Variants in CPEB3 observed in about 807,000 individuals in gnomAD.
The protein encoded by CPEB3 is cytoplasmic polyadenylation element-binding protein 3.
In CPEB3, 20 loss-of-function variants were observed where a neutral mutation model predicts 67.2. The ratio of observed to expected loss-of-function variants is 0.30; its 90% confidence interval spans 0.21 to 0.43. The LOEUF is 0.43. CPEB3 is among the 20% of genes least tolerant of loss of function. CPEB3 has a pLI of 1.00. For missense variants in CPEB3, 746 were observed against 968.6 expected, an observed-to-expected ratio of 0.77 and a Z score of 3.05; for synonymous variants, 376 against 393.1, an observed-to-expected ratio of 0.96 and a Z score of 0.51.
At chr10:92,078,521 GT>G (rs1843019797) in intron 9 of CPEB3, among the ~76,000 whole-genome samples, 1 of 152,042 alleles carries the variant, frequency 6.6e-6, no homozygotes, top group African/African-American at 2.4e-5. Flanking sequence ...AGCAGCAAAG[GT>G]TTAAATGTAT....
At chr10:92,137,431 G>C in intron 6 of CPEB3, 1 of 1,173,994 alleles carries the variant, frequency 8.5e-7, no homozygotes, top group Non-Finnish European at 1.2e-6. Flanking sequence ...TGGATTCAAG[G>C]ACTCAATCTA....
chr10:92,213,654 T>C lies in CPEB3; in HGVS notation c.1006-21018A>G, dbSNP rs182136973. ...TGTAGAACCTTACTATTTTTATGAT[T>C]TGACACTTAACTCCTGACTGGGTCT... On this transcript the variant is annotated intron_variant, in intron 2 of 9. Coordinates refer to ENST00000265997, the MANE Select transcript of CPEB3 (RefSeq NM_014912.5). 3.5e-4 allele frequency among the ~76,000 whole-genome samples: 54 copies of C among 152,288 alleles called. No individual in the cohort carries two copies. In the East Asian group the frequency reaches 5.8e-3, roughly 16 times the overall value.
intron 6 of CPEB3, among the ~76,000 whole-genome samples, chr10:92,118,123 AGTTTTGTTTT>A (rs546053410): frequency 2.6e-5 from 4 of 152,190 alleles, no homozygotes; most frequent in Middle Eastern, 3.4e-3. Flanking sequence ...ACCATTTGAC[AGTTTTGTTTT>A]GTTTTGTTTT....
chr10:92,112,660 C>G (rs1844811212), intron 6 of CPEB3, among the ~76,000 whole-genome samples: 1 of 152,158 alleles, frequency 6.6e-6, no homozygotes, highest in African/African-American at 2.4e-5. Flanking sequence ...CACTGGCATT[C>G]ATAAATGATG....
At chr10:92,288,357 G>A (rs1287873268) in intron 1 of CPEB3, among the ~76,000 whole-genome samples, 1 of 151,914 alleles carries the variant, frequency 6.6e-6, no homozygotes, top group African/African-American at 2.4e-5. Context: ...CTACTTGGGG[G>A]GCTGAGGCAG....
At chr10:92,183,787 A>G (rs1266254260) in intron 3 of CPEB3, among the ~76,000 whole-genome samples, 2 of 152,244 alleles carry the variant, frequency 1.3e-5, no homozygotes, top group African/African-American at 4.8e-5. Context: ...TATTCCCTAA[A>G]TATTTCTAGA....
intron 9 of CPEB3, among the ~76,000 whole-genome samples, chr10:92,077,238 A>G (rs1000801269): frequency 6.6e-6 from 1 of 152,218 alleles, no homozygotes; most frequent in Non-Finnish European, 1.5e-5. Flanking sequence ...ATGAATAAAA[A>G]TAAAACCATG....
intron 2 of CPEB3, among the ~76,000 whole-genome samples, chr10:92,202,225 A>G (rs1230240137): frequency 1.3e-5 from 2 of 152,112 alleles, no homozygotes; most frequent in Non-Finnish European, 2.9e-5. Flanking sequence ...ATAAAGTTAA[A>G]CATATACTTA....
chr10:92,102,817 A>T (rs1316258656), intron 7 of CPEB3, among the ~76,000 whole-genome samples: 1 of 151,536 alleles, frequency 6.6e-6, no homozygotes, highest in Non-Finnish European at 1.5e-5. Flanking sequence ...CGTCACAACT[A>T]CTCCCTCTAA....
chr10:92,225,210 TG>T (rs1368267973), intron 2 of CPEB3, among the ~76,000 whole-genome samples: 2 of 152,060 alleles, frequency 1.3e-5, no homozygotes, highest in African/African-American at 4.8e-5. Context: ...CTTGACCTCG[TG>T]ATCTGCCCAC....
rs1395774868 is a variant in CPEB3, at chr10:92,287,734, TAC to T, written c.-12+3190_-12+3191del. Reference sequence around the variant, plus strand: ...TGTACAATGGGTTTTTGAGTATATTTACAGTTTTGCCACTATTACCATAATCT... The same window carrying T: ...TGTACAATGGGTTTTTGAGTATATTTAGTTTTGCCACTATTACCATAATCT... On this transcript the variant is annotated intron_variant, in intron 1 of 9. Coordinates refer to ENST00000265997, the MANE Select transcript of CPEB3 (RefSeq NM_014912.5). Among the ~76,000 whole-genome samples, 7 of 152,318 alleles carry T rather than the reference TAC, an allele frequency of 4.6e-5. No homozygotes were observed. The East Asian group carries it at 7.7e-4, about 17-fold the overall frequency.
chr10:92,132,997 C>T (rs920331147), intron 6 of CPEB3, among the ~76,000 whole-genome samples: 8 of 152,178 alleles, frequency 5.3e-5, no homozygotes, highest in South Asian at 4.1e-4. Context: ...GTACCAGAAT[C>T]TCTGGGACAC....
intron 6 of CPEB3, among the ~76,000 whole-genome samples, chr10:92,141,347 T>C (rs1257957690): frequency 2.0e-5 from 3 of 151,814 alleles, no homozygotes; most frequent in Admixed American, 6.6e-5. Context: ...TGGATGAAAT[T>C]GGAAATCATC....
intron 2 of CPEB3, among the ~76,000 whole-genome samples, chr10:92,225,268 C>G (rs1324884335): frequency 6.6e-6 from 1 of 152,112 alleles, no homozygotes; most frequent in Non-Finnish European, 1.5e-5. Context: ...CCACCGCGCC[C>G]AGCCTCCTAC....
intron 3 of CPEB3, among the ~76,000 whole-genome samples, chr10:92,188,320 T>TAAAAAAAAAA (rs756970118): frequency 6.2e-4 from 23 of 36,972 alleles, no homozygotes; most frequent in Non-Finnish European, 6.8e-4. Context: ...TAAGACATAG[T>TAAAAAAAAAA]AAAAAAAAAA....
At chr10:92,086,083 G>A (rs541715941) in intron 8 of CPEB3, among the ~76,000 whole-genome samples, 34 of 152,246 alleles carry the variant, frequency 2.2e-4, no homozygotes, top group African/African-American at 7.2e-4. Flanking sequence ...AGAGCCAAAC[G>A]AGATAGAGTA....
intron 8 of CPEB3, among the ~76,000 whole-genome samples, chr10:92,082,374 G>A (rs1381564865): frequency 2.0e-5 from 3 of 152,080 alleles, no homozygotes; most frequent in Non-Finnish European, 2.9e-5. Flanking sequence ...AACCTCCCCG[G>A]TTCAAGTGAT....
intron 9 of CPEB3, among the ~76,000 whole-genome samples, chr10:92,056,600 G>A (rs1036975407): frequency 1.3e-5 from 2 of 152,236 alleles, no homozygotes; most frequent in East Asian, 1.9e-4. Flanking sequence ...CCCAAACCTC[G>A]CCACTGTGGG....
At chr10:92,218,952 T>C (rs1263589047) in intron 2 of CPEB3, among the ~76,000 whole-genome samples, 1 of 152,164 alleles carries the variant, frequency 6.6e-6, no homozygotes, top group Non-Finnish European at 1.5e-5. Context: ...CTTTTCTATA[T>C]ATCTTTTTAT....
Sources: allele counts gnomAD v4.1 joint callset (sites outside exome capture counted in the v4.1 genomes callset), GRCh38; gene constraint gnomAD v4.1.1; transcripts MANE v1.5; gene names NCBI Gene and HGNC (gene_info 2026-07-23, HGNC 2026-07-21).